Variants in STXBP5L observed in about 807,000 individuals in gnomAD.
STXBP5L encodes the protein syntaxin binding protein 5L.
In STXBP5L, 65 loss-of-function variants were observed where a neutral mutation model predicts 144.5. The observed-to-expected ratio is 0.45, with a 90% CI of 0.37 to 0.55. The LOEUF is 0.55. Among genes scored for constraint, STXBP5L ranks in the 20% least tolerant of loss-of-function variants. The pLI is 0.00. For synonymous variants in STXBP5L, 505 were observed against 469.6 expected (o/e 1.08, Z -0.97); for missense variants, 1,298 against 1,405.5 (o/e 0.92, Z 1.22).
At chr3:121,188,050 CT>C (rs1402373315) in intron 9 of STXBP5L, among the ~76,000 whole-genome samples, 1 of 152,074 alleles carries the variant, frequency 6.6e-6, no homozygotes, top group East Asian at 1.9e-4. Flanking sequence ...TTCTTAGATA[CT>C]TACAAAGAGA....
chr3:121,200,089 T>TA (rs1191646302), intron 9 of STXBP5L, among the ~76,000 whole-genome samples: 2 of 152,212 alleles, frequency 1.3e-5, no homozygotes, highest in African/African-American at 4.8e-5. Context: ...TCTGGTAGAA[T>TA]TTGGCTGTGA....
At chr3:121,074,733 C>T (rs1050213799) in intron 5 of STXBP5L, among the ~76,000 whole-genome samples, 10 of 152,114 alleles carry the variant, frequency 6.6e-5, no homozygotes, top group African/African-American at 2.2e-4. Flanking sequence ...ATTATCATGC[C>T]TTTTCTTTGA....
chr3:121,165,136 A>T (rs533080539), intron 9 of STXBP5L, among the ~76,000 whole-genome samples: 7 of 152,210 alleles, frequency 4.6e-5, no homozygotes, highest in Non-Finnish European at 7.3e-5. Context: ...CATGTTGTAT[A>T]CCTTAAATAT....
At chr3:121,216,580 C>T (rs1393846427) in intron 10 of STXBP5L, among the ~76,000 whole-genome samples, 2 of 152,118 alleles carry the variant, frequency 1.3e-5, no homozygotes, top group African/African-American at 4.8e-5. Context: ...GGACACCCAC[C>T]AGATGCCAGC....
intron 3 of STXBP5L, among the ~76,000 whole-genome samples, chr3:121,022,706 G>A (rs565611428): frequency 2.0e-4 from 31 of 152,180 alleles, no homozygotes; most frequent in Non-Finnish European, 2.8e-4. Context: ...ACAAAATCCA[G>A]CACCGCTTTA....
At chr3:121,220,677 A>T (rs897953091) in intron 10 of STXBP5L, among the ~76,000 whole-genome samples, 2 of 152,094 alleles carry the variant, frequency 1.3e-5, no homozygotes, top group Non-Finnish European at 2.9e-5. Flanking sequence ...AATTATCAAA[A>T]TTAATTTTTT....
At chr3:121,131,024 G>C in intron 7 of STXBP5L, among the ~76,000 whole-genome samples, 1 of 152,024 alleles carries the variant, frequency 6.6e-6, no homozygotes, top group Non-Finnish European at 1.5e-5. Context: ...AAAGGAAACA[G>C]ACATAAAGAG....
intron 2 of STXBP5L, among the ~76,000 whole-genome samples, chr3:120,911,663 G>A (rs1708848227): frequency 6.6e-6 from 1 of 152,006 alleles, no homozygotes; most frequent in South Asian, 2.1e-4. Context: ...TAACTAGTGG[G>A]TTATAATAAT....
At chr3:121,365,984 A>T (rs1340885411) in intron 20 of STXBP5L, among the ~76,000 whole-genome samples, 3 of 151,522 alleles carry the variant, frequency 2.0e-5, no homozygotes, top group African/African-American at 7.3e-5. Context: ...TTTATCTCTA[A>T]TTATTTTCTA....
At chr3:121,378,591 A>G (rs1315099962) in intron 20 of STXBP5L, 125 bp from the exon 21 acceptor site, 4 of 1,122,966 alleles carry the variant, frequency 3.6e-6, no homozygotes, top group Non-Finnish European at 4.8e-6. Context: ...GGACTTAACT[A>G]TATTCATGTG....
chr3:120,966,104 C>T (rs1247692003), intron 3 of STXBP5L, among the ~76,000 whole-genome samples: 1 of 152,144 alleles, frequency 6.6e-6, no homozygotes, highest in African/African-American at 2.4e-5. Flanking sequence ...TCACAAAGTT[C>T]TTGTGCCATG....
chr3:121,063,966 C>T (rs750040786), intron 5 of STXBP5L, among the ~76,000 whole-genome samples: 15 of 152,160 alleles, frequency 9.9e-5, no homozygotes, highest in Non-Finnish European at 1.8e-4. Context: ...CCACTTGGAT[C>T]CCTGGCTTCA....
In STXBP5L at chr3:121,152,576, C is replaced by T. The variant is rs762080890; in HGVS notation, c.753+16C>T. The T allele has an allele frequency of 4.5e-6, 7 of 1,556,850 alleles. No homozygotes were observed. Among genetic ancestry groups the T allele is most frequent in the African/African-American group, 2.7e-5 (2 of 72,784 alleles). ...TTATGATGAGGTAAGTGATTTCTAC[C>T]GACATGTTTGAAAGAGTATTGTGAC... On this transcript the variant is annotated intron_variant, in intron 8 of 26. Transcript: ENST00000471454.
At chr3:121,012,756 T>G (rs573112967) in intron 3 of STXBP5L, among the ~76,000 whole-genome samples, 192 of 152,006 alleles carry the variant, frequency 1.3e-3, no homozygotes, top group African/African-American at 4.3e-3. Context: ...TGTTTGATAC[T>G]GAGGTTTGGG....
intron 5 of STXBP5L, among the ~76,000 whole-genome samples, chr3:121,095,496 T>C (rs1011476151): frequency 6.6e-6 from 1 of 152,208 alleles, no homozygotes; most frequent in African/African-American, 2.4e-5. Flanking sequence ...TTTTTACTCT[T>C]TTTTCTCTAA....
intron 20 of STXBP5L, among the ~76,000 whole-genome samples, chr3:121,345,436 A>C (rs1360019816): frequency 1.3e-5 from 2 of 152,024 alleles, no homozygotes; most frequent in Non-Finnish European, 2.9e-5. Flanking sequence ...GTTTCCAAGT[A>C]TTTGCTATTG....
chr3:121,390,903 G>T (rs919642107), intron 22 of STXBP5L, among the ~76,000 whole-genome samples: 1 of 151,852 alleles, frequency 6.6e-6, no homozygotes, highest in Non-Finnish European at 1.5e-5. Context: ...TGGTCTTCTC[G>T]TATTTCCTGA....
At chr3:120,964,398 C>A (rs1355448543) in intron 3 of STXBP5L, among the ~76,000 whole-genome samples, 1 of 152,158 alleles carries the variant, frequency 6.6e-6, no homozygotes, top group Non-Finnish European at 1.5e-5. Context: ...CCTTCCTTCT[C>A]TTGTGGGCTT....
At chr3:121,071,665 T>C (rs749960955) in intron 5 of STXBP5L, among the ~76,000 whole-genome samples, 1 of 152,228 alleles carries the variant, frequency 6.6e-6, no homozygotes, top group Non-Finnish European at 1.5e-5. Flanking sequence ...TTGGGTTCTA[T>C]TGTTTGACCC....
Sources: allele counts gnomAD v4.1 joint callset (sites outside exome capture counted in the v4.1 genomes callset), GRCh38; gene constraint gnomAD v4.1.1; transcripts MANE v1.5; gene names NCBI Gene and HGNC (gene_info 2026-07-23, HGNC 2026-07-21).